The following PRKN variants were observed in gnomAD, a reference collection of about 807,000 sequenced individuals.
PRKN encodes parkin RBR E3 ubiquitin protein ligase.
A neutral mutation model predicts 59.5 loss-of-function variants in PRKN; 56 were observed. The observed-to-expected ratio is 0.94, with a 90% CI of 0.76 to 1.18. The LOEUF is 1.18. Ranked by LOEUF, PRKN falls within the 50% of genes most tolerant of loss-of-function variation. PRKN has a pLI of 0.00. For missense variants in PRKN, 657 were observed against 596.4 expected, an observed-to-expected ratio of 1.10 and a Z score of -1.06; for synonymous variants, 250 against 222.1, an observed-to-expected ratio of 1.13 and a Z score of -1.12.
At chr6:161,856,593 G>C (rs1793664737) in intron 6 of PRKN, among the ~76,000 whole-genome samples, 1 of 152,060 alleles carries the variant, frequency 6.6e-6, no homozygotes, top group Non-Finnish European at 1.5e-5. Context: ...ATAAAACAGA[G>C]TATTCAATAT....
At chr6:162,309,909 G>A (rs1782407759) in intron 2 of PRKN, among the ~76,000 whole-genome samples, 1 of 152,042 alleles carries the variant, frequency 6.6e-6, no homozygotes, top group African/African-American at 2.4e-5. Context: ...TTCCCTATAT[G>A]TATTCATGTG....
intron 6 of PRKN, among the ~76,000 whole-genome samples, chr6:161,844,831 G>T (rs889236937): frequency 6.6e-6 from 1 of 152,256 alleles, no homozygotes; most frequent in Non-Finnish European, 1.5e-5. Context: ...CTCCTGGTGT[G>T]CAATGCTGAT....
chr6:162,655,094 T>A (rs1778594817), intron 1 of PRKN, among the ~76,000 whole-genome samples: 1 of 152,192 alleles, frequency 6.6e-6, no homozygotes, highest in South Asian at 2.1e-4. Context: ...ATAAATTTCA[T>A]ACTTTAATTC....
chr6:162,054,092 G>A lies in PRKN; in HGVS notation c.617C>T (p.Ala206Val), dbSNP rs1554264900. 4 of 1,590,246 alleles carry A rather than the reference G, an allele frequency of 2.5e-6. No individual in the cohort carries two copies. The highest frequency in any genetic ancestry group is 2.6e-6 in the Non-Finnish European group (3 of 1,158,188). ...GAATGAATGTGACCAGGTACTTACT[G>A]CACTAGTCCCAGGGCAGTGTGGGGA... is the stretch of plus-strand genomic sequence containing the variant. The part of the protein sequence containing the change: ...CQSPHCPGTS[A>V]EFFFKCGAHP... The change falls in exon 5 of 12, where the codon GCA (alanine) becomes GTA (valine). Residue 206 changes from alanine to valine, a missense_variant and splice_region_variant. Physicochemically the swap from Ala to Val is moderately conservative, Grantham distance 64. Transcript: ENST00000366898.
At chr6:161,977,763 G>A (rs1490723264) in intron 5 of PRKN, among the ~76,000 whole-genome samples, 1 of 150,790 alleles carries the variant, frequency 6.6e-6, no homozygotes, top group African/African-American at 2.4e-5. Context: ...TAGCCAGGAT[G>A]GTCTCAATCT....
At chr6:161,680,415 C>G (rs966308386) in intron 7 of PRKN, among the ~76,000 whole-genome samples, 3 of 152,228 alleles carry the variant, frequency 2.0e-5, no homozygotes, top group African/African-American at 7.2e-5. Context: ...TGGTGACATC[C>G]TGTGAATGGC....
chr6:161,747,898 A>C (rs2128193648), intron 7 of PRKN, among the ~76,000 whole-genome samples: 1 of 152,238 alleles, frequency 6.6e-6, no homozygotes, highest in East Asian at 1.9e-4. Context: ...TTTTCTTGAA[A>C]GTGATGAACA....
At chr6:162,109,008 C>T (rs948185753) in intron 4 of PRKN, among the ~76,000 whole-genome samples, 4 of 152,200 alleles carry the variant, frequency 2.6e-5, no homozygotes, top group Non-Finnish European at 4.4e-5. Context: ...AGGGCAGCAG[C>T]TCAGAGGCAG....
chr6:161,937,310 T>C (rs1021074631), intron 6 of PRKN, among the ~76,000 whole-genome samples: 1 of 152,240 alleles, frequency 6.6e-6, no homozygotes, highest in African/African-American at 2.4e-5. Flanking sequence ...CACAAACATT[T>C]TGAAGTATGC....
chr6:162,468,015 A>G (rs2186814), intron 1 of PRKN, among the ~76,000 whole-genome samples: 152,212 of 152,252 alleles, frequency 1, 76,086 homozygotes, highest in Middle Eastern at 1. Flanking sequence ...CTAATTAAGC[A>G]GCCTCCCTAA....
chr6:161,701,890 G>A (rs575117064), intron 7 of PRKN, among the ~76,000 whole-genome samples: 22 of 152,188 alleles, frequency 1.4e-4, no homozygotes, highest in Admixed American at 6.5e-4. Context: ...TTTGAATGGC[G>A]GGCATCCAGA....
At chr6:161,981,275 G>A (rs1294040382) in intron 5 of PRKN, among the ~76,000 whole-genome samples, 3 of 152,156 alleles carry the variant, frequency 2.0e-5, no homozygotes, top group Admixed American at 6.5e-5. Flanking sequence ...ATAGTTCCTC[G>A]TTAGTGAGAT....
intron 2 of PRKN, among the ~76,000 whole-genome samples, chr6:162,289,744 AG>A (rs1432808851): frequency 6.6e-6 from 1 of 152,002 alleles, no homozygotes; most frequent in Admixed American, 6.6e-5. Context: ...CCCATAAAAG[AG>A]GAAGGAGAGA....
intron 4 of PRKN, among the ~76,000 whole-genome samples, chr6:162,176,162 G>A (rs1031244352): frequency 1.3e-5 from 2 of 152,126 alleles, no homozygotes; most frequent in African/African-American, 2.4e-5. Flanking sequence ...TATCAGCAGA[G>A]GGGCCTATTA....
intron 1 of PRKN, among the ~76,000 whole-genome samples, chr6:162,519,173 A>AAAAC (rs1176209919): frequency 6.6e-6 from 1 of 152,156 alleles, no homozygotes; most frequent in Non-Finnish European, 1.5e-5. Flanking sequence ...TCCGTCTCAA[A>AAAAC]AAACAAACAA....
At chr6:162,606,213 C>A (rs1583894057) in intron 1 of PRKN, among the ~76,000 whole-genome samples, 1 of 152,066 alleles carries the variant, frequency 6.6e-6, no homozygotes. Context: ...GGGTTACATC[C>A]CAATAAACCC....
chr6:162,712,725 A>G (rs549870982), intron 1 of PRKN, among the ~76,000 whole-genome samples: 1 of 152,236 alleles, frequency 6.6e-6, no homozygotes, highest in Non-Finnish European at 1.5e-5. Flanking sequence ...TAGTTAAGAC[A>G]ATCATCCCCA....
chr6:161,556,711 G>A (rs1308460754), intron 8 of PRKN, among the ~76,000 whole-genome samples: 1 of 152,166 alleles, frequency 6.6e-6, no homozygotes, highest in Admixed American at 6.6e-5. Context: ...TTGGTTCCAA[G>A]GGCTTTTTTA....
At position 161,680,767 on chromosome 6, in the gene PRKN, ATATATATATTT is replaced by A. The variant is rs1245426192; in HGVS notation, c.871+104994_871+105004del. The stretch of plus-strand genomic sequence containing the variant: ...TATATATATATATATATATATATAT[ATATATATATTT>A]TTTTTTTTTTTTCTTTTCCTAAAAC... On this transcript the variant is annotated intron_variant, in intron 7 of 11. Transcript: ENST00000366898. Among the ~76,000 whole-genome samples, 15 of 12,238 alleles carry A rather than the reference ATATATATATTT, an allele frequency of 1.2e-3. 1 individual carries two copies. Among genetic ancestry groups the A allele is most frequent in the African/African-American group, 3.0e-3 (13 of 4,322 alleles). The allele number at this position is 12,238 out of a possible 152,430, so 8.0% of individuals were successfully genotyped here.
Sources: allele counts gnomAD v4.1 joint callset (sites outside exome capture counted in the v4.1 genomes callset), GRCh38; gene constraint gnomAD v4.1.1; transcripts MANE v1.5; gene names NCBI Gene and HGNC (gene_info 2026-07-23, HGNC 2026-07-21).